The following ABCC4 variants were observed in gnomAD, a reference collection of about 807,000 sequenced individuals.
ABCC4 encodes ATP-binding cassette sub-family C member 4.
A neutral mutation model predicts 168.5 loss-of-function variants in ABCC4; 102 were observed. The ratio of observed to expected loss-of-function variants is 0.61; its 90% CI spans 0.52 to 0.71. ABCC4 has a LOEUF of 0.71. ABCC4 is among the 30% of genes least tolerant of loss of function. The pLI, the probability that ABCC4 is intolerant of heterozygous loss-of-function variation, is 0.00. For missense variants in ABCC4, 1,402 were observed against 1,605.8 expected (o/e 0.87, Z 2.17); for synonymous variants, 617 against 590.7 (o/e 1.04, Z -0.65).
intron 3 of ABCC4, among the ~76,000 whole-genome samples, chr13:95,241,158 A>T (rs1232369182): frequency 6.6e-6 from 1 of 151,622 alleles, no homozygotes; most frequent in Non-Finnish European, 1.5e-5. Context: ...AGGTCAAGAG[A>T]TCGAGACCAT....
chr13:95,219,001 A>AGAAAAGAG lies in ABCC4; in HGVS notation c.532-8221_532-8220insCTCTTTTC, dbSNP rs1566540099. Among the ~76,000 whole-genome samples the AGAAAAGAG allele has an allele frequency of 4.6e-4, 53 of 115,674 alleles. 2 individuals carry two copies. Among genetic ancestry groups the AGAAAAGAG allele is most frequent in the South Asian group, 9.1e-4 (3 of 3,302 alleles). 75.9% of individuals were successfully genotyped at this position (115,674 alleles called of 152,430 possible). ...AGAAAGAAAGAGTGAGAAAGAAAGA[A>AGAAAAGAG]AGAGTGAGAAAGAAAGGAAGGAAGG... On this transcript the variant is annotated intron_variant, in intron 4 of 30. Transcript: ENST00000645237.
rs1385621531 is a variant in ABCC4 at position 95,170,668 on chromosome 13, T to C, written c.1728-40A>G. Reference sequence around the variant, plus strand: ...GGCACAGGGTGAAAAAATGCATGAATGGGGTGCTCCACATTGAAAAACATA... The same window carrying C: ...GGCACAGGGTGAAAAAATGCATGAACGGGGTGCTCCACATTGAAAAACATA... On this transcript the variant is annotated intron_variant, in intron 13 of 30. Transcript: ENST00000645237. The C allele has an allele frequency of 3.2e-6, 4 of 1,245,528 alleles. No individual in the cohort carries two copies. The African/African-American group carries it at 5.9e-5, about 18-fold the overall frequency. 77.2% of individuals were successfully genotyped at this position (1,245,528 alleles called of 1,614,324 possible). A position where few individuals can be genotyped will look rare whatever the true frequency, so the allele number is the denominator to read the frequency against.
intron 3 of ABCC4, 94 bp from the exon 4 acceptor site, chr13:95,234,928 T>C (rs4148459): frequency 0.068 from 61,912 of 916,270 alleles, 2,272 homozygotes; most frequent in East Asian, 0.1. Context: ...GCTTGCTCTG[T>C]CACCCATGCT....
At chr13:95,095,942 A>T (rs2034581662) in intron 20 of ABCC4, 1 of 388,654 alleles carries the variant, frequency 2.6e-6, no homozygotes, top group South Asian at 1.3e-4. Flanking sequence ...AAGACACTTA[A>T]ATAGGTGCTT....
intron 8 of ABCC4, 86 bp downstream of exon 8, chr13:95,206,446 C>T (rs1350866397): frequency 1.3e-6 from 2 of 1,535,936 alleles, no homozygotes; most frequent in Non-Finnish European, 8.9e-7. Context: ...AATGTCATTA[C>T]ACTGGAACAT....
intron 20 of ABCC4, among the ~76,000 whole-genome samples, chr13:95,100,550 G>T (rs907023526): frequency 6.6e-6 from 1 of 152,200 alleles, no homozygotes; most frequent in Non-Finnish European, 1.5e-5. Context: ...AAATCCAGGG[G>T]TCAAGAGTTG....
intron 9 of ABCC4, among the ~76,000 whole-genome samples, chr13:95,191,733 G>C (rs879328591): frequency 6.6e-6 from 1 of 152,130 alleles, no homozygotes; most frequent in Non-Finnish European, 1.5e-5. Flanking sequence ...AAACACAACC[G>C]GTCAACCTGT....
intron 30 of ABCC4, among the ~76,000 whole-genome samples, chr13:95,032,416 C>T (rs1246815911): frequency 1.3e-5 from 2 of 152,194 alleles, no homozygotes; most frequent in Non-Finnish European, 2.9e-5. Flanking sequence ...CTTATATTGT[C>T]AATGACTAGG....
chr13:95,192,829 G>C (rs1555328834), intron 9 of ABCC4, among the ~76,000 whole-genome samples: 4 of 152,170 alleles, frequency 2.6e-5, no homozygotes, highest in Non-Finnish European at 5.9e-5. Context: ...TGAGGCAGGA[G>C]AATCACTTGA....
In ABCC4 at chr13:95,244,323, T is replaced by C. The variant is rs889822721; in HGVS notation, c.306+2652A>G. Among the ~76,000 whole-genome samples the C allele has an allele frequency of 2.6e-5, 4 of 151,846 alleles. No homozygotes were observed. In the South Asian group the frequency reaches 6.2e-4, roughly 24 times the overall value. ...TAAAAGAATGCCTTCTGACTGAGCA[T>C]GGTGATTCCTGCCTATAATCCCAGC... On this transcript the variant is annotated intron_variant, in intron 3 of 30. Transcript: ENST00000645237.
At chr13:95,260,042 A>C (rs2040493050) in intron 1 of ABCC4, among the ~76,000 whole-genome samples, 1 of 152,180 alleles carries the variant, frequency 6.6e-6, no homozygotes, top group South Asian at 2.1e-4. Flanking sequence ...GCAAATTCTC[A>C]GGACCCACTC....
At chr13:95,241,105 C>T (rs1311511580) in intron 3 of ABCC4, among the ~76,000 whole-genome samples, 1 of 152,078 alleles carries the variant, frequency 6.6e-6, no homozygotes, top group East Asian at 1.9e-4. Context: ...TGGCTCATGC[C>T]TGTAATCCCA....
At chr13:95,168,961 TG>T (rs2037377281) in intron 14 of ABCC4, among the ~76,000 whole-genome samples, 1 of 152,002 alleles carries the variant, frequency 6.6e-6, no homozygotes, top group East Asian at 1.9e-4. Context: ...TGGAGTAGGG[TG>T]GGCCCTAGGT....
chr13:95,185,778 C>CAACT (rs2038038970), intron 11 of ABCC4, among the ~76,000 whole-genome samples: 1 of 152,150 alleles, frequency 6.6e-6, no homozygotes, highest in African/African-American at 2.4e-5. Flanking sequence ...CAGTTTTCAT[C>CAACT]AACTATCCAC....
rs374779570 is a variant in ABCC4 at position 95,086,087 on chromosome 13, T to TTTTGTGTGTGTG, written c.2536-2798_2536-2797insCACACACACAAA. ...CTGAATTCTCTAGTTTTTAAGGTTA[T>TTTTGTGTGTGTG]TGTGTGTGTGTGTGTGTGTGTGTGT... On this transcript the variant is annotated intron_variant, in intron 20 of 30. Coordinates refer to ENST00000645237, the MANE Select transcript of ABCC4 (RefSeq NM_005845.5). Among the ~76,000 whole-genome samples the TTTTGTGTGTGTG allele has an allele frequency of 8.4e-5, 12 of 142,092 alleles. No individual in the cohort carries two copies. The South Asian group carries it at 2.4e-3, about 29-fold the overall frequency. 93.2% of individuals were successfully genotyped at this position (142,092 alleles called of 152,430 possible). A position where few individuals can be genotyped will look rare whatever the true frequency, so the allele number is the denominator to read the frequency against.
At chr13:95,295,401 C>T (rs562324284) in intron 1 of ABCC4, among the ~76,000 whole-genome samples, 90 of 151,908 alleles carry the variant, frequency 5.9e-4, no homozygotes, top group African/African-American at 2.1e-3. Context: ...GGCTCGCCCC[C>T]GTAATCCCAG....
At chr13:95,245,451 C>T (rs1345424231) in intron 3 of ABCC4, among the ~76,000 whole-genome samples, 1 of 152,212 alleles carries the variant, frequency 6.6e-6, no homozygotes, top group Non-Finnish European at 1.5e-5. Flanking sequence ...TTGACACCGA[C>T]TTGTCATTCT....
chr13:95,123,982 G>A (rs1412767931), intron 19 of ABCC4, among the ~76,000 whole-genome samples: 1 of 152,182 alleles, frequency 6.6e-6, no homozygotes, highest in Non-Finnish European at 1.5e-5. Flanking sequence ...AGGACTGAGA[G>A]GCAGGAAAGG....
intron 27 of ABCC4, among the ~76,000 whole-genome samples, chr13:95,048,997 T>G (rs2032711194): frequency 6.6e-6 from 1 of 152,202 alleles, no homozygotes; most frequent in Admixed American, 6.5e-5. Context: ...TACAGCTGAC[T>G]ATTTTTCAGT....
Sources: allele counts gnomAD v4.1 joint callset (sites outside exome capture counted in the v4.1 genomes callset), GRCh38; gene constraint gnomAD v4.1.1; transcripts MANE v1.5; gene names NCBI Gene and HGNC (gene_info 2026-07-23, HGNC 2026-07-21).